NEIL3: variants seen among roughly 807,000 people sequenced by gnomAD.
The protein encoded by NEIL3 is nei like DNA glycosylase 3.
In NEIL3, 48 loss-of-function variants were observed where a neutral mutation model predicts 57.5. That is an observed-to-expected ratio of 0.83 (90% CI 0.66 to 1.06). The LOEUF (loss-of-function observed/expected upper bound fraction) is 1.06, where lower values mean the gene tolerates loss of function less well. Among genes scored for constraint, NEIL3 ranks in the 50% least tolerant of loss-of-function variants. The pLI, the probability that NEIL3 is intolerant of heterozygous loss-of-function variation, is 0.00. For missense variants in NEIL3, 717 were observed against 739.1 expected, an observed-to-expected ratio of 0.97 and a Z score of 0.35; for synonymous variants, 261 against 253.2, an observed-to-expected ratio of 1.03 and a Z score of -0.29.
chr4:177,348,133 G>A (rs1182247183), intron 6 of NEIL3, among the ~76,000 whole-genome samples: 1 of 152,198 alleles, frequency 6.6e-6, no homozygotes, highest in African/African-American at 2.4e-5. Flanking sequence ...GTGTGTACCA[G>A]CATTTTCTGA....
At chr4:177,331,552 G>A (rs1465174546) in intron 2 of NEIL3, among the ~76,000 whole-genome samples, 1 of 151,836 alleles carries the variant, frequency 6.6e-6, no homozygotes, top group African/African-American at 2.4e-5. Flanking sequence ...ATGACATCTG[G>A]TGCATCTTTG....
downstream of NEIL3, among the ~76,000 whole-genome samples, chr4:177,363,744 T>A (rs1277019395): frequency 1.3e-5 from 2 of 152,058 alleles, no homozygotes; most frequent in Non-Finnish European, 2.9e-5. Context: ...ATGTACAGGA[T>A]CTATATGAGG....
At chr4:177,311,418 G>A (rs1256296119) in intron 1 of NEIL3, among the ~76,000 whole-genome samples, 8 of 152,024 alleles carry the variant, frequency 5.3e-5, no homozygotes, top group Admixed American at 5.2e-4. Context: ...GCTCATGCCT[G>A]TAATCCCAGC....
chr4:177,344,395 G>C (rs939400632), intron 6 of NEIL3, among the ~76,000 whole-genome samples: 2 of 152,062 alleles, frequency 1.3e-5, no homozygotes, highest in Non-Finnish European at 2.9e-5. Flanking sequence ...GTCATTTCAA[G>C]TTAAGCTGAA....
chr4:177,320,471 T>C (rs1255315053), intron 1 of NEIL3, among the ~76,000 whole-genome samples: 1 of 80,656 alleles, frequency 1.2e-5, no homozygotes, highest in African/African-American at 4.3e-5. Context: ...GCTGTCTTTT[T>C]TTTTTTTTTT....
intron 6 of NEIL3, among the ~76,000 whole-genome samples, chr4:177,348,902 C>G (rs1445250035): frequency 9.0e-6 from 1 of 111,612 alleles, no homozygotes; most frequent in African/African-American, 3.8e-5. Context: ...GAGTCTCGCT[C>G]TGTCACCCAG....
Position 177,309,885 on chromosome 4 carries a change from A to C in NEIL3, c.-69A>C. Reference sequence around the variant, plus strand: ...CTCTGCGTGCGGTCAGTGCCCGCGCAGCGTTGAGTTGCACAGCGGTATTCT... The same window carrying C: ...CTCTGCGTGCGGTCAGTGCCCGCGCCGCGTTGAGTTGCACAGCGGTATTCT... On this transcript the variant is annotated 5_prime_UTR_variant, in exon 1 of 10. Transcript: ENST00000264596. The C allele has an allele frequency of 6.5e-7, 1 of 1,538,838 alleles. No homozygotes were observed. Among genetic ancestry groups the C allele is most frequent in the Non-Finnish European group, 8.7e-7 (1 of 1,145,912 alleles).
chr4:177,333,918 G>A (rs1734928586), intron 2 of NEIL3, among the ~76,000 whole-genome samples: 1 of 152,146 alleles, frequency 6.6e-6, no homozygotes, highest in East Asian at 1.9e-4. Flanking sequence ...AGCCTGAACA[G>A]GTTAATGCCC....
the NEIL3 span, among the ~76,000 whole-genome samples, chr4:177,370,990 C>T: frequency 4.0e-5 from 6 of 151,844 alleles, no homozygotes; most frequent in African/African-American, 1.5e-4. Context: ...GAAGAGAACA[C>T]CTAAAGTATC....
chr4:177,353,915 G>A, intron 8 of NEIL3, 187 bp downstream of exon 8: 1 of 567,530 alleles, frequency 1.8e-6, no homozygotes, highest in Non-Finnish European at 3.1e-6. Context: ...ACAGGCACAT[G>A]CCATCAGGCC....
chr4:177,316,983 G>A lies in NEIL3; in HGVS notation c.157-5476G>A, dbSNP rs559180239. Among the ~76,000 whole-genome samples, 9 of 152,108 alleles carry A rather than the reference G, an allele frequency of 5.9e-5. No homozygotes were observed. The South Asian group carries it at 1.7e-3, about 28-fold the overall frequency. ...TGCATTTTAATACCCAAATACCATC[G>A]GGTATTAAAAAAGGAATTCTTAAAC... On this transcript the variant is annotated intron_variant, in intron 1 of 9. Transcript: ENST00000264596.
At chr4:177,337,093 CAA>C (rs3840269) in intron 4 of NEIL3, among the ~76,000 whole-genome samples, 6 of 127,116 alleles carry the variant, frequency 4.7e-5, no homozygotes, top group South Asian at 2.5e-4. Flanking sequence ...TTATATGTTG[CAA>C]AAAAAAAAAA....
intron 1 of NEIL3, among the ~76,000 whole-genome samples, chr4:177,319,449 T>A (rs1246026120): frequency 6.6e-6 from 1 of 152,158 alleles, no homozygotes; most frequent in African/African-American, 2.4e-5. Flanking sequence ...TAACTTTTTT[T>A]AATTTCTTAT....
chr4:177,335,615 A>G, intron 2 of NEIL3, 73 bp from the exon 3 acceptor site: 1 of 1,360,678 alleles, frequency 7.3e-7, no homozygotes, highest in Non-Finnish European at 1.0e-6. Context: ...CAAAAAAAAA[A>G]TGATAGTACA....
chr4:177,352,518 T>C (rs370814397), intron 7 of NEIL3, among the ~76,000 whole-genome samples: 3 of 152,186 alleles, frequency 2.0e-5, no homozygotes, highest in Non-Finnish European at 4.4e-5. Context: ...TACTCTGTTG[T>C]GAAACATTGT....
downstream of NEIL3, among the ~76,000 whole-genome samples, chr4:177,366,462 A>G (rs6552229): frequency 0.99 from 150,299 of 152,340 alleles, 74,167 homozygotes; most frequent in East Asian, 1. Flanking sequence ...GCAGTGGCAC[A>G]ATCTCGGCTC....
the NEIL3 span, among the ~76,000 whole-genome samples, chr4:177,369,357 G>C: frequency 6.6e-6 from 1 of 152,154 alleles, no homozygotes; most frequent in Non-Finnish European, 1.5e-5. Context: ...AAATATTCCT[G>C]TTTGGCTAGA....
At chr4:177,348,954 G>A (rs1233936301) in intron 6 of NEIL3, among the ~76,000 whole-genome samples, 3 of 132,866 alleles carry the variant, frequency 2.3e-5, no homozygotes, top group African/African-American at 5.6e-5. Flanking sequence ...TTCAAGCTCC[G>A]CCTCCCGGGT....
At chr4:177,355,926 C>T (rs1323368809) in intron 8 of NEIL3, among the ~76,000 whole-genome samples, 1 of 152,030 alleles carries the variant, frequency 6.6e-6, no homozygotes, top group Non-Finnish European at 1.5e-5. Flanking sequence ...TGTTCATATA[C>T]TCACATTTGA....
Sources: allele counts gnomAD v4.1 joint callset (sites outside exome capture counted in the v4.1 genomes callset), GRCh38; gene constraint gnomAD v4.1.1; transcripts MANE v1.5; gene names NCBI Gene and HGNC (gene_info 2026-07-23, HGNC 2026-07-21).